PSG9: variants seen among roughly 807,000 people sequenced by gnomAD.
The protein encoded by PSG9 is pregnancy specific beta-1-glycoprotein 9.
In PSG9, 49 loss-of-function variants were observed where a neutral mutation model predicts 41.9. The ratio of observed to expected loss-of-function variants is 1.17; its 90% confidence interval spans 0.93 to 1.48. The LOEUF (loss-of-function observed/expected upper bound fraction) is 1.48. Ranked by LOEUF, PSG9 falls within the 40% of genes most tolerant of loss-of-function variation. The probability of loss-of-function intolerance (pLI) is 0.00; values close to 1 mark genes in which losing one functional copy is unlikely to be tolerated. For synonymous variants in PSG9, 263 were observed against 196.8 expected (o/e 1.34, Z -2.82); for missense variants, 641 against 520.3 (o/e 1.23, Z -2.26).
At chr19:43,262,164 G>A (rs1968754725) in intron 2 of PSG9, 26 bp from the exon 3 acceptor site, 1 of 1,600,818 alleles carries the variant, frequency 6.2e-7, no homozygotes, top group Non-Finnish European at 8.5e-7. Context: ...AGAGAAGATT[G>A]CCCTGTGTGG....
chr19:43,267,700 G>C (rs1055868467), intron 2 of PSG9, 84 bp downstream of exon 2: 41 of 1,584,782 alleles, frequency 2.6e-5, no homozygotes, highest in South Asian at 1.7e-4. Flanking sequence ...GACACAGGCA[G>C]AGTCCAGGCC....
chr19:43,257,649 G>T (rs1568410610), intron 5 of PSG9: 3 of 1,030,584 alleles, frequency 2.9e-6, no homozygotes, highest in Non-Finnish European at 3.5e-6. Flanking sequence ...GGCCACCAGG[G>T]CCCTTTCTAC....
chr19:43,261,251 G>T (rs1354423704), intron 3 of PSG9, among the ~76,000 whole-genome samples: 8 of 147,818 alleles, frequency 5.4e-5, no homozygotes, highest in African/African-American at 2.0e-4. Flanking sequence ...TCCACCAGTG[G>T]CTGAGTTATG....
chr19:43,258,905 C>G lies in PSG9; in HGVS notation c.940G>C (p.Asp314His). The G allele has an allele frequency of 6.3e-7, 1 of 1,588,314 alleles. No homozygotes were observed. Among genetic ancestry groups the G allele is most frequent in the Non-Finnish European group, 8.5e-7 (1 of 1,173,246 alleles). ...TTACTGCGGAGGCCACCATATCGGT[C>G]CCGTATTTCACATTGATAGGGTCCT... ...ETGPYQCEIR[D>H]RYGGLRSNPV... The change falls in exon 4 of 6, where the codon GAC becomes CAC. Residue 314 changes from aspartate (D) to histidine (H), a missense_variant. By Grantham distance (81) the Asp-to-His change is moderately conservative. Transcript: ENST00000270077.
At chr19:43,262,392 C>T (rs1482227498) in intron 2 of PSG9, among the ~76,000 whole-genome samples, 1 of 152,124 alleles carries the variant, frequency 6.6e-6, no homozygotes, top group African/African-American at 2.4e-5. Flanking sequence ...CATGGAAAGA[C>T]ACAGGACCAG....
intron 3 of PSG9, chr19:43,259,353 G>C: frequency 1.1e-6 from 1 of 920,892 alleles, no homozygotes; most frequent in Non-Finnish European, 1.5e-6. Flanking sequence ...ACTTTCTCAA[G>C]TGTCAATTGA....
intron 5 of PSG9, among the ~76,000 whole-genome samples, chr19:43,256,035 A>G (rs1233756113): frequency 6.8e-6 from 1 of 146,766 alleles, no homozygotes; most frequent in East Asian, 2.3e-4. Flanking sequence ...ATGACTCTAA[A>G]TAGACACACA....
chr19:43,258,035 G>A (rs1473833730), intron 5 of PSG9, 167 bp downstream of exon 5: 10 of 1,564,662 alleles, frequency 6.4e-6, no homozygotes, highest in Non-Finnish European at 8.6e-6. Flanking sequence ...AAAACAAGGA[G>A]AAGAGAGTCT....
intron 5 of PSG9, chr19:43,257,713 G>T (rs1160144486): frequency 7.0e-6 from 8 of 1,144,560 alleles, no homozygotes; most frequent in Non-Finnish European, 8.5e-6. Flanking sequence ...CACCAGAGGA[G>T]CCCGGAGCAG....
intron 3 of PSG9, chr19:43,259,519 T>C (rs1171979952): frequency 2.8e-5 from 7 of 253,580 alleles, no homozygotes; most frequent in Non-Finnish European, 5.0e-5. Flanking sequence ...CATCCTACTT[T>C]GCCCCCCTAT....
intron 1 of PSG9, among the ~76,000 whole-genome samples, chr19:43,268,884 C>G (rs1243600868): frequency 1.3e-5 from 2 of 152,158 alleles, no homozygotes; most frequent in Admixed American, 6.5e-5. Flanking sequence ...ATCAGGAAAA[C>G]AGAACACTTA....
rs149447725 is a variant in PSG9 at position 43,268,125 on chromosome 19, G to T, written c.89C>A (p.Pro30Gln). Residue 30 changes from proline to glutamine, a missense_variant, in exon 2 of 6, where the codon CCG becomes CAG. By Grantham distance (76) the Pro-to-Gln change is moderately conservative (BLOSUM62 -1). Transcript: ENST00000270077. ...AATCGTGACTTCGGCAGTGGTGGGC[G>T]GGTTCCAGAAGTTTAAAAGTGATGC... ...LTASLLNFWN[P>Q]PTTAEVTIEA... 5.0e-5 allele frequency: 80 copies of T among 1,609,452 alleles called. No homozygotes were observed. The African/African-American group carries it at 1.0e-3, about 20-fold the overall frequency.
At chr19:43,255,392 A>G (rs1193596389) in intron 5 of PSG9, among the ~76,000 whole-genome samples, 1 of 146,652 alleles carries the variant, frequency 6.8e-6, no homozygotes, top group South Asian at 2.2e-4. Context: ...GAAAAACCCA[A>G]TGCTAGCATC....
In PSG9 at chr19:43,258,843, C is replaced by A; in HGVS notation, c.988+14G>T. 2 of 1,586,590 alleles carry A rather than the reference C, an allele frequency of 1.3e-6. No individual in the cohort carries two copies. Among genetic ancestry groups the A allele is most frequent in the Non-Finnish European group, 1.7e-6 (2 of 1,172,510 alleles). ...GCTGGTGTCCTGGCCCACAGAGGAA[C>A]AAAAGATACTCACAGAGGACATTTA... On this transcript the variant is annotated intron_variant, in intron 4 of 5. Transcript: ENST00000270077.
At position 43,260,569 on chromosome 19, in the gene PSG9, A is replaced by C. The variant is rs575455916; in HGVS notation, c.709+1291T>G. 8.2e-4 allele frequency: 120 copies of C among 146,132 alleles called. 6 individuals carry two copies. Among genetic ancestry groups the C allele is most frequent in the African/African-American group, 3.1e-3 (118 of 38,382 alleles). The allele number at this position is 146,132 out of a possible 1,614,324, so 9.1% of individuals were successfully genotyped here. On this transcript the variant is annotated intron_variant, in intron 3 of 5. Transcript: ENST00000270077. Reference sequence around the variant, plus strand: ...ATTCCATACTGGCCATGCTGCACTCATATATTTTTTAAAGCTTTGGGATGT... The same window carrying C: ...ATTCCATACTGGCCATGCTGCACTCCTATATTTTTTAAAGCTTTGGGATGT...
chr19:43,253,822 C>G (rs1968352787), intron 5 of PSG9, among the ~76,000 whole-genome samples, 176 bp from the exon 6 acceptor site: 1 of 146,632 alleles, frequency 6.8e-6, no homozygotes, highest in South Asian at 2.2e-4. Context: ...TGCAAATACT[C>G]TTAGAACTGC....
At chr19:43,265,639 T>C (rs563830266) in intron 2 of PSG9, among the ~76,000 whole-genome samples, 1 of 152,246 alleles carries the variant, frequency 6.6e-6, no homozygotes, top group Admixed American at 6.5e-5. Context: ...TAAACATCCG[T>C]CCTCCTGTTT....
intron 5 of PSG9, 155 bp downstream of exon 5, chr19:43,258,047 T>C (rs1337006526): frequency 3.8e-6 from 6 of 1,580,036 alleles, no homozygotes; most frequent in Non-Finnish European, 5.1e-6. Flanking sequence ...AGAGAGTCTG[T>C]AGAGACAAAT....
At chr19:43,265,049 C>T (rs1968902741) in intron 2 of PSG9, among the ~76,000 whole-genome samples, 1 of 152,084 alleles carries the variant, frequency 6.6e-6, no homozygotes, top group Non-Finnish European at 1.5e-5. Flanking sequence ...CTCCATCTGG[C>T]ATCTAGTCTC....
Sources: gnomAD v4.1 joint callset for allele counts (sites outside exome capture counted in the v4.1 genomes callset) on GRCh38, gnomAD v4.1.1 for gene constraint, MANE v1.5 for transcripts, NCBI Gene and HGNC (gene_info 2026-07-23, HGNC 2026-07-21) for gene names.